The following BMP7 variants were observed in gnomAD, a reference collection of about 807,000 sequenced individuals.
BMP7 encodes bone morphogenetic protein 7, also known as osteogenic protein 1.
In BMP7, 12 loss-of-function variants were observed where a neutral mutation model predicts 41.2. That is an observed-to-expected ratio of 0.29 (90% CI 0.19 to 0.47). BMP7 has a LOEUF of 0.47. Among genes scored for constraint, BMP7 ranks in the 20% least tolerant of loss-of-function variants. The pLI, the probability that BMP7 is intolerant of heterozygous loss-of-function variation, is 0.99. For missense variants in BMP7, 467 were observed against 606.0 expected, an observed-to-expected ratio of 0.77 and a Z score of 2.41; for synonymous variants, 248 against 250.0, an observed-to-expected ratio of 0.99 and a Z score of 0.07.
chr20:57,234,835 C>T (rs2066041742), intron 1 of BMP7, among the ~76,000 whole-genome samples: 1 of 152,250 alleles, frequency 6.6e-6, no homozygotes, highest in African/African-American at 2.4e-5. Flanking sequence ...CATAAATCTT[C>T]TGCATTGAAC....
rs2123117746 is a variant in BMP7 at position 57,228,618 on chromosome 20, T to C, written c.419-197A>G. Among the ~76,000 whole-genome samples, 1 of 152,306 alleles carries C rather than the reference T, an allele frequency of 6.6e-6. No homozygotes were observed. The highest frequency in any genetic ancestry group is 2.4e-5 in the African/African-American group (1 of 41,574). On this transcript the variant is annotated intron_variant, in intron 1 of 6. Coordinates refer to ENST00000395863, the MANE Select transcript of BMP7 (RefSeq NM_001719.3). The surrounding 1 kb of genome is among the most constrained non-coding windows in gnomAD (Gnocchi z 4.5). ...ACAGGCTCAGACCCCATGGTCCCCA[T>C]GGTCATCCTGAACGACAAGAGCATG...
At chr20:57,246,069 C>T (rs1026203950) in intron 1 of BMP7, among the ~76,000 whole-genome samples, 4 of 143,596 alleles carry the variant, frequency 2.8e-5, no homozygotes, top group African/African-American at 1.0e-4. Flanking sequence ...GGGTTCTGGT[C>T]GCTTCTGCTT....
chr20:57,210,911 C>T (rs375545952), intron 2 of BMP7, among the ~76,000 whole-genome samples: 3 of 152,194 alleles, frequency 2.0e-5, no homozygotes, highest in African/African-American at 7.2e-5. Context: ...GGTGGCTGAA[C>T]GAGGATTAGA....
intron 1 of BMP7, among the ~76,000 whole-genome samples, chr20:57,256,869 C>T (rs1240998696): frequency 6.6e-6 from 1 of 150,490 alleles, no homozygotes; most frequent in African/African-American, 2.4e-5. Context: ...GCCTGGGCAA[C>T]AAAAGCGAAA....
At chr20:57,188,964 GCAAACACACC>G (rs1890501001) in intron 3 of BMP7, among the ~76,000 whole-genome samples, 1 of 152,210 alleles carries the variant, frequency 6.6e-6, no homozygotes. Flanking sequence ...CTCTCGTGCT[GCAAACACACC>G]CAAGGCCTCC....
intron 1 of BMP7, among the ~76,000 whole-genome samples, chr20:57,233,854 G>A (rs1484191916): frequency 6.6e-6 from 1 of 152,098 alleles, no homozygotes; most frequent in Non-Finnish European, 1.5e-5. Context: ...CTAAAAATTA[G>A]GGGTATGAAC....
At chr20:57,233,548 G>A (rs993261313) in intron 1 of BMP7, among the ~76,000 whole-genome samples, 1 of 152,138 alleles carries the variant, frequency 6.6e-6, no homozygotes, top group Admixed American at 6.5e-5. Context: ...CCACCTGGGC[G>A]CCCCCCCTTC....
chr20:57,229,728 G>T (rs2066021670), intron 1 of BMP7, among the ~76,000 whole-genome samples: 1 of 152,204 alleles, frequency 6.6e-6, no homozygotes, highest in Non-Finnish European at 1.5e-5. Flanking sequence ...CCAGCAGATT[G>T]GTCAGAAGAA....
At chr20:57,177,020 G>C (rs538009465) in intron 4 of BMP7, among the ~76,000 whole-genome samples, 1 of 152,310 alleles carries the variant, frequency 6.6e-6, no homozygotes, top group Admixed American at 6.5e-5. Context: ...GACAGGAGTG[G>C]TGCAGTAAGC....
intron 2 of BMP7, among the ~76,000 whole-genome samples, chr20:57,220,645 T>C (rs556778424): frequency 6.6e-6 from 1 of 152,312 alleles, no homozygotes; most frequent in South Asian, 2.1e-4. Flanking sequence ...CACACGCTGA[T>C]GTCTCCCCTA....
intron 2 of BMP7, among the ~76,000 whole-genome samples, chr20:57,205,024 C>T (rs1984699560): frequency 6.6e-6 from 1 of 152,150 alleles, no homozygotes; most frequent in Non-Finnish European, 1.5e-5. Context: ...CATGTGAGGA[C>T]ACGGCAACGA....
chr20:57,202,687 A>T, intron 2 of BMP7, 64 bp from the exon 3 acceptor site: 2 of 975,302 alleles, frequency 2.1e-6, no homozygotes, highest in East Asian at 4.6e-5. Context: ...CTACCCCAAC[A>T]GATGGGAAGC....
rs758994524 is a variant in BMP7 at position 57,228,215 on chromosome 20, C to A, written c.611+14G>T. 5 of 1,612,422 alleles carry A rather than the reference C, an allele frequency of 3.1e-6. No individual in the cohort carries two copies. The South Asian group carries it at 5.5e-5, about 18-fold the overall frequency. ...AAACTCAGCACCTCTCCCAGATACC[C>A]GTATAGCACCCACCTGCCCAAGTGC... On this transcript the variant is annotated intron_variant, in intron 2 of 6. Transcript: ENST00000395863. This position sits in a 1 kb window ranked among gnomAD's most constrained non-coding sequence, Gnocchi z 4.5.
At chr20:57,200,426 G>A (rs1411136454) in intron 3 of BMP7, among the ~76,000 whole-genome samples, 1 of 152,182 alleles carries the variant, frequency 6.6e-6, no homozygotes, top group East Asian at 1.9e-4. Flanking sequence ...GTAGGTGCTG[G>A]AGGTGAAAGG....
intron 2 of BMP7, among the ~76,000 whole-genome samples, chr20:57,204,484 C>T (rs760210663): frequency 3.3e-5 from 5 of 152,230 alleles, no homozygotes; most frequent in Admixed American, 6.5e-5. Context: ...TTAACAGACC[C>T]GGAGAAGCCT....
At chr20:57,173,762 T>A (rs768356020) in intron 5 of BMP7, among the ~76,000 whole-genome samples, 8 of 152,092 alleles carry the variant, frequency 5.3e-5, no homozygotes, top group Non-Finnish European at 8.8e-5. Flanking sequence ...TGTGAGGCAA[T>A]CATCAGCTCT....
intron 3 of BMP7, among the ~76,000 whole-genome samples, chr20:57,184,359 T>A (rs1984162925): frequency 6.6e-6 from 1 of 152,122 alleles, no homozygotes; most frequent in Admixed American, 6.5e-5. Context: ...ATAGGGGCCA[T>A]CTGAGCAGAG....
rs1984661917 is a variant in BMP7 at position 57,203,193 on chromosome 20, T to C, written c.612-570A>G. On this transcript the variant is annotated intron_variant, in intron 2 of 6. Transcript: ENST00000395863. ...TGTACCAGAGCAGATACTCTTCATTTCCAGGACGTGCACCATCTTTATGAG... is the reference window on the plus strand; with the variant it reads ...TGTACCAGAGCAGATACTCTTCATTCCCAGGACGTGCACCATCTTTATGAG... Among the ~76,000 whole-genome samples, 6 of 152,188 alleles carry C rather than the reference T, an allele frequency of 3.9e-5. No homozygotes were observed. The South Asian group carries it at 1.2e-3, about 32-fold the overall frequency.
At chr20:57,230,915 G>T (rs1283082656) in intron 1 of BMP7, among the ~76,000 whole-genome samples, 2 of 151,928 alleles carry the variant, frequency 1.3e-5, no homozygotes, top group African/African-American at 2.4e-5. Context: ...CTGACCTCGT[G>T]ATCCACCTGC....
Sources: gnomAD v4.1 joint callset for allele counts (sites outside exome capture counted in the v4.1 genomes callset) on GRCh38, gnomAD v4.1.1 for gene constraint, Gnocchi (gnomAD v3.1) non-coding constraint, MANE v1.5 for transcripts, NCBI Gene and HGNC (gene_info 2026-07-23, HGNC 2026-07-21) for gene names.